The following CDK19 variants were observed in gnomAD, a reference collection of about 807,000 sequenced individuals.
CDK19 encodes cyclin dependent kinase 19.
A neutral mutation model predicts 68.3 loss-of-function variants in CDK19; 20 were observed. The ratio of observed to expected loss-of-function variants is 0.29; its 90% CI spans 0.21 to 0.43. The LOEUF is 0.43. Ranked by LOEUF, CDK19 falls within the 20% of genes least tolerant of loss-of-function variation. The probability of loss-of-function intolerance (pLI) is 1.00; values close to 1 mark genes in which losing one functional copy is unlikely to be tolerated. For synonymous variants in CDK19, 221 were observed against 222.8 expected, an observed-to-expected ratio of 0.99 and a Z score of 0.07; for missense variants, 339 against 623.5, an observed-to-expected ratio of 0.54 and a Z score of 4.86.
intron 2 of CDK19, among the ~76,000 whole-genome samples, chr6:110,734,290 G>A (rs1777007401): frequency 1.3e-5 from 2 of 152,048 alleles, no homozygotes; most frequent in African/African-American, 2.4e-5. Flanking sequence ...GATTACAGGC[G>A]TGAGCTACCA....
At chr6:110,750,501 G>A (rs1778405607) in intron 1 of CDK19, among the ~76,000 whole-genome samples, 1 of 152,222 alleles carries the variant, frequency 6.6e-6, no homozygotes, top group African/African-American at 2.4e-5. Context: ...AGTCAAAGAT[G>A]AGTCTGAGGT....
rs1177365400 is a variant in CDK19 at position 110,613,110 on chromosome 6, TG to T, written c.*1424del. The T allele has an allele frequency of 6.6e-6, 1 of 152,600 alleles. No individual in the cohort carries two copies. The highest frequency in any genetic ancestry group is 1.5e-5 in the Non-Finnish European group (1 of 68,034). The allele number at this position is 152,600 out of a possible 1,614,324, so 9.5% of individuals were successfully genotyped here. ...AAATTTCTTGCCCCTTACATTACAA[TG>T]GGAGCTCTAAGTTTTTACATTTCCT... On this transcript the variant is annotated 3_prime_UTR_variant, in exon 13 of 13. Transcript: ENST00000368911.
At chr6:110,704,128 C>A (rs144889842) in intron 2 of CDK19, among the ~76,000 whole-genome samples, 2 of 152,272 alleles carry the variant, frequency 1.3e-5, no homozygotes, top group Non-Finnish European at 2.9e-5. Context: ...CTGATTACAA[C>A]ACAATCTATT....
At chr6:110,635,783 C>T (rs1015889626) in intron 5 of CDK19, among the ~76,000 whole-genome samples, 1 of 152,120 alleles carries the variant, frequency 6.6e-6, no homozygotes, top group African/African-American at 2.4e-5. Context: ...ATGATCTGCC[C>T]GCCTTGGCCT....
At chr6:110,807,145 T>TAAA (rs761400244) in intron 1 of CDK19, among the ~76,000 whole-genome samples, 2 of 125,306 alleles carry the variant, frequency 1.6e-5, no homozygotes, top group Admixed American at 8.2e-5. Flanking sequence ...ACAAATAATT[T>TAAA]AAAAAAAAAA....
At chr6:110,661,606 T>A (rs185295128) in intron 4 of CDK19, among the ~76,000 whole-genome samples, 2 of 152,270 alleles carry the variant, frequency 1.3e-5, no homozygotes, top group African/African-American at 4.8e-5. Context: ...TGTGCCACCC[T>A]ACCCAGTTTG....
intron 2 of CDK19, among the ~76,000 whole-genome samples, chr6:110,735,023 T>G (rs753855680): frequency 7.9e-5 from 12 of 152,138 alleles, no homozygotes; most frequent in Non-Finnish European, 1.6e-4. Flanking sequence ...CACCCCTTAT[T>G]CATTAAATCA....
Position 110,646,405 on chromosome 6 carries a change from G to A in CDK19, c.457-7699C>T, listed in dbSNP as rs1183921120. 4.0e-6 allele frequency: 6 copies of A among 1,486,004 alleles called. No homozygotes were observed. In the Admixed American group the frequency reaches 6.7e-5, roughly 17 times the overall value. 92.1% of individuals were successfully genotyped at this position (1,486,004 alleles called of 1,614,324 possible). A position where few individuals can be genotyped will look rare whatever the true frequency, so the allele number is the denominator to read the frequency against. ...GACTTCTGCCCATGGGGCTGCTGGC[G>A]GGCGGCGACATGGCCTTCCCGCGCC... On this transcript the variant is annotated intron_variant, in intron 4 of 12. Coordinates refer to ENST00000368911, the MANE Select transcript of CDK19 (RefSeq NM_015076.5).
chr6:110,620,545 C>T (rs1451932792), intron 12 of CDK19, among the ~76,000 whole-genome samples: 1 of 152,108 alleles, frequency 6.6e-6, no homozygotes, highest in Non-Finnish European at 1.5e-5. Flanking sequence ...GACTTAGCTC[C>T]TTTAATTTCC....
intron 2 of CDK19, among the ~76,000 whole-genome samples, chr6:110,738,904 G>T (rs1007623527): frequency 6.6e-6 from 1 of 152,202 alleles, no homozygotes; most frequent in South Asian, 2.1e-4. Context: ...CACCCTGCCT[G>T]CTGGGCACTA....
intron 12 of CDK19, among the ~76,000 whole-genome samples, chr6:110,620,638 C>T (rs1217280158): frequency 1.3e-5 from 2 of 152,114 alleles, no homozygotes; most frequent in African/African-American, 4.8e-5. Flanking sequence ...TCTAATGAGA[C>T]TTAACAGTTA....
intron 4 of CDK19, among the ~76,000 whole-genome samples, chr6:110,644,524 T>C (rs1460209125): frequency 1.3e-5 from 2 of 152,202 alleles, no homozygotes; most frequent in African/African-American, 4.8e-5. Context: ...ATAATTGGAT[T>C]GTTTGTAACA....
chr6:110,643,915 T>G (rs895583517), intron 4 of CDK19, among the ~76,000 whole-genome samples: 1 of 151,956 alleles, frequency 6.6e-6, no homozygotes, highest in Admixed American at 6.6e-5. Context: ...CATCTCACTA[T>G]TAAAATTTAA....
At chr6:110,653,957 A>T (rs909078542) in intron 4 of CDK19, among the ~76,000 whole-genome samples, 3 of 152,208 alleles carry the variant, frequency 2.0e-5, no homozygotes, top group African/African-American at 7.2e-5. Flanking sequence ...ATTTGGGACA[A>T]AAATATGAAA....
intron 8 of CDK19, among the ~76,000 whole-genome samples, chr6:110,623,648 G>C (rs1010292509): frequency 5.3e-5 from 8 of 151,386 alleles, no homozygotes; most frequent in African/African-American, 1.9e-4. Context: ...TCCATTTCTA[G>C]GCACATACCT....
intron 2 of CDK19, among the ~76,000 whole-genome samples, chr6:110,726,999 T>G (rs1340563062): frequency 6.6e-6 from 1 of 152,196 alleles, no homozygotes; most frequent in East Asian, 1.9e-4. Flanking sequence ...TTCATAACAT[T>G]CTGTCAGAGA....
chr6:110,650,124 A>G (rs1171281365), intron 4 of CDK19, among the ~76,000 whole-genome samples: 1 of 152,264 alleles, frequency 6.6e-6, no homozygotes, highest in African/African-American at 2.4e-5. Flanking sequence ...GTGAAAAGAA[A>G]GCAAGATTTA....
At chr6:110,625,342 A>G (rs1198083407) in intron 8 of CDK19, among the ~76,000 whole-genome samples, 1 of 152,018 alleles carries the variant, frequency 6.6e-6, no homozygotes, top group Non-Finnish European at 1.5e-5. Context: ...TTTAATAAAA[A>G]TAGAGATAGG....
At chr6:110,796,100 A>C (rs1055990259) in intron 1 of CDK19, among the ~76,000 whole-genome samples, 4 of 152,258 alleles carry the variant, frequency 2.6e-5, no homozygotes, top group African/African-American at 9.6e-5. Context: ...GTACTTTGGG[A>C]GGCCAAGACA....
Sources: gnomAD v4.1 joint callset for allele counts (sites outside exome capture counted in the v4.1 genomes callset) on GRCh38, gnomAD v4.1.1 for gene constraint, MANE v1.5 for transcripts, NCBI Gene and HGNC (gene_info 2026-07-23, HGNC 2026-07-21) for gene names.